The following ACSL3 variants were observed in gnomAD, a reference collection of about 807,000 sequenced individuals.
ACSL3 encodes fatty acid CoA ligase Acsl3.
Under a neutral mutation model 84.7 loss-of-function variants are expected in ACSL3, and 34 were observed. The observed-to-expected ratio is 0.40, with a 90% CI of 0.31 to 0.53. The LOEUF (loss-of-function observed/expected upper bound fraction) is 0.53. Ranked by LOEUF, ACSL3 falls within the 20% of genes least tolerant of loss-of-function variation. The probability of loss-of-function intolerance (pLI) is 0.48; values close to 1 mark genes in which losing one functional copy is unlikely to be tolerated. For missense variants in ACSL3, 680 were observed against 873.1 expected, an observed-to-expected ratio of 0.78 and a Z score of 2.79; for synonymous variants, 315 against 299.4, an observed-to-expected ratio of 1.05 and a Z score of -0.54.
At chr2:222,933,923 G>T (rs547246523) in intron 15 of ACSL3, among the ~76,000 whole-genome samples, 1 of 152,304 alleles carries the variant, frequency 6.6e-6, no homozygotes, top group African/African-American at 2.4e-5. Flanking sequence ...CTGGTCTTTA[G>T]CCATTTAGTA....
chr2:222,864,316 G>C (rs1695083295), intron 1 of ACSL3, among the ~76,000 whole-genome samples: 1 of 152,126 alleles, frequency 6.6e-6, no homozygotes, highest in East Asian at 1.9e-4. Context: ...GCCATTTACC[G>C]TTTTGAAGAC....
chr2:222,923,138 G>T lies in ACSL3; in HGVS notation c.1141G>T (p.Ala381Ser). Residue 381 changes from alanine (A) to serine (S), a missense_variant, in exon 10 of 17, where the codon GCA (alanine) becomes TCA (serine). Coordinates refer to ENST00000357430, the MANE Select transcript of ACSL3 (RefSeq NM_004457.5). The part of the protein sequence containing the change: ...DTSMLKPTLM[A>S]AVPEIMDRIY... The stretch of plus-strand genomic sequence containing the variant: ...ATCCATGTTGAAACCAACACTGATG[G>T]CAGCAGTTCCGGTAAGAAGTGACCC... 1 of 1,613,708 alleles carries T rather than the reference G, an allele frequency of 6.2e-7. No individual in the cohort carries two copies.
At chr2:222,920,607 C>G (rs1696705924) in intron 7 of ACSL3, among the ~76,000 whole-genome samples, 1 of 152,212 alleles carries the variant, frequency 6.6e-6, no homozygotes, top group South Asian at 2.1e-4. Context: ...TCTTGTCTCC[C>G]TGATACCTTT....
chr2:222,869,354 C>G (rs1695238617), intron 1 of ACSL3, among the ~76,000 whole-genome samples: 1 of 152,164 alleles, frequency 6.6e-6, no homozygotes, highest in Admixed American at 6.5e-5. Flanking sequence ...CTCTCTGGCT[C>G]CCCTGTCTTC....
intron 1 of ACSL3, among the ~76,000 whole-genome samples, chr2:222,862,691 C>T (rs1337965730): frequency 3.0e-5 from 4 of 134,832 alleles, no homozygotes; most frequent in South Asian, 4.5e-4. Flanking sequence ...CTAGACTTTT[C>T]CTGGTTTCTC....
At chr2:222,939,657 G>A (rs937073914) in intron 16 of ACSL3, among the ~76,000 whole-genome samples, 4 of 152,182 alleles carry the variant, frequency 2.6e-5, no homozygotes, top group Middle Eastern at 3.2e-3. Context: ...GTGCTGAGGG[G>A]AGGGTCTCTG....
In ACSL3 at chr2:222,908,954, A is replaced by G; in HGVS notation, c.182A>G (p.Asn61Ser). The change falls in exon 4 of 17, where the codon AAT becomes AGT. Residue 61 changes from asparagine (N) to serine (S), a missense_variant. Asn to Ser is a conservative substitution (Grantham distance 46). This residue lies in a region of ACSL3 where 333 missense variants were observed against 347.5 expected (regional missense o/e 0.96). Coordinates refer to ENST00000357430, the MANE Select transcript of ACSL3 (RefSeq NM_004457.5). ...KSNRIKAKPVNSKPDSAYRSV... is the reference protein window; with the variant it reads ...KSNRIKAKPVSSKPDSAYRSV... ...AACCGAATTAAAGCAAAGCCTGTAA[A>G]TTCAAAACCTGATTCTGCATACAGA... The G allele has an allele frequency of 1.9e-6, 3 of 1,613,598 alleles. No individual in the cohort carries two copies. Among genetic ancestry groups the G allele is most frequent in the Non-Finnish European group, 2.5e-6 (3 of 1,179,824 alleles).
At chr2:222,885,083 G>A (rs1339086592) in intron 1 of ACSL3, among the ~76,000 whole-genome samples, 1 of 152,026 alleles carries the variant, frequency 6.6e-6, no homozygotes, top group Non-Finnish European at 1.5e-5. Flanking sequence ...CAAAGTGTCG[G>A]GTCTGGAGCT....
intron 1 of ACSL3, among the ~76,000 whole-genome samples, chr2:222,870,674 G>A (rs1444048582): frequency 6.6e-6 from 1 of 152,148 alleles, no homozygotes; most frequent in African/African-American, 2.4e-5. Flanking sequence ...AGAGCTAACA[G>A]GGCAAAATGA....
Position 222,942,385 on chromosome 2 carries a change from A to C in ACSL3, c.*731A>C, listed in dbSNP as rs547368882. 24 of 192,308 alleles carry C rather than the reference A, an allele frequency of 1.2e-4. No individual in the cohort carries two copies. In the Admixed American group the frequency reaches 1.4e-3, roughly 11 times the overall value. The allele number at this position is 192,308 out of a possible 1,614,324, so 11.9% of individuals were successfully genotyped here. A position where few individuals can be genotyped will look rare whatever the true frequency, so the allele number is the denominator to read the frequency against. On this transcript the variant is annotated 3_prime_UTR_variant, in exon 17 of 17. Coordinates refer to ENST00000357430, the MANE Select transcript of ACSL3 (RefSeq NM_004457.5). ...ACAGCATGTGTAGCACCAGTTGATAATTGGTCTCTAGTAGCTTACTGTCAA... is the reference window on the plus strand; with the variant it reads ...ACAGCATGTGTAGCACCAGTTGATACTTGGTCTCTAGTAGCTTACTGTCAA...
chr2:222,901,546 C>T (rs1696150620), intron 3 of ACSL3, among the ~76,000 whole-genome samples: 1 of 152,056 alleles, frequency 6.6e-6, no homozygotes, highest in Non-Finnish European at 1.5e-5. Flanking sequence ...TTTTAATATC[C>T]ATGTGAATTT....
chr2:222,926,437 TC>T (rs1250126104), intron 11 of ACSL3, among the ~76,000 whole-genome samples: 1 of 152,164 alleles, frequency 6.6e-6, no homozygotes, highest in Non-Finnish European at 1.5e-5. Context: ...TCCTTTTTGA[TC>T]AAGGCAGTAT....
intron 11 of ACSL3, 80 bp downstream of exon 11, chr2:222,924,675 G>A: frequency 7.6e-7 from 1 of 1,318,406 alleles, no homozygotes; most frequent in Non-Finnish European, 1.0e-6. Context: ...CCAATTAATT[G>A]AGATAGTTAT....
rs764626160 is a variant in ACSL3 at position 222,921,289 on chromosome 2, C to G, written c.815C>G (p.Pro272Arg). ...LGAKASMENQ[P>R]HSKPLPSDIA... is the part of the protein sequence containing the mutation. Reference sequence around the variant, plus strand: ...TTTCTCTTCAATGCAGAAAACCAACCTCATAGCAAACCATTGCCCTCAGAT... The same window carrying G: ...TTTCTCTTCAATGCAGAAAACCAACGTCATAGCAAACCATTGCCCTCAGAT... Residue 272 changes from proline to arginine, a missense_variant, in exon 8 of 17, where the codon CCT becomes CGT. Pro to Arg is a moderately radical substitution (Grantham distance 103). Coordinates refer to ENST00000357430, the MANE Select transcript of ACSL3 (RefSeq NM_004457.5). The G allele has an allele frequency of 3.1e-6, 5 of 1,593,266 alleles. No individual in the cohort carries two copies. In the South Asian group the frequency reaches 5.5e-5, roughly 18 times the overall value.
At chr2:222,902,179 T>C (rs1363531433) in intron 3 of ACSL3, among the ~76,000 whole-genome samples, 1 of 152,184 alleles carries the variant, frequency 6.6e-6, no homozygotes, top group African/African-American at 2.4e-5. Context: ...TAATTGCAAA[T>C]TTTTATAATC....
intron 1 of ACSL3, among the ~76,000 whole-genome samples, chr2:222,865,651 A>G (rs1337600108): frequency 6.6e-6 from 1 of 152,252 alleles, no homozygotes; most frequent in African/African-American, 2.4e-5. Context: ...GAAAAAGTGC[A>G]GAGCAGGCAC....
chr2:222,886,700 C>T (rs532044815), intron 1 of ACSL3, among the ~76,000 whole-genome samples: 23 of 152,198 alleles, frequency 1.5e-4, no homozygotes, highest in African/African-American at 4.3e-4. Flanking sequence ...AGTAAATGAA[C>T]GCAGCCTTTA....
Position 222,916,403 on chromosome 2 carries a change from G to T in ACSL3, c.463G>T (p.Gly155Cys), listed in dbSNP as rs1175746280. 6.2e-7 allele frequency: 1 copy of T among 1,613,812 alleles called. No individual in the cohort carries two copies. Among genetic ancestry groups the T allele is most frequent in the African/African-American group, 1.3e-5 (1 of 74,880 alleles). The change falls in exon 5 of 17, where the codon GGT (glycine) becomes TGT (cysteine). Residue 155 changes from glycine (G) to cysteine (C), a missense_variant. By Grantham distance (159) the Gly-to-Cys change is radical (BLOSUM62 -3). This residue lies in a region of ACSL3 where 333 missense variants were observed against 347.5 expected (regional missense o/e 0.96). Coordinates refer to ENST00000357430, the MANE Select transcript of ACSL3 (RefSeq NM_004457.5). ...FNFGNGLQML[G>C]QKPKTNIAIF... ...TTTTGGAAATGGATTACAGATGTTG[G>T]GTCAGAAACCAAAGACCAACATCGC... is the stretch of plus-strand genomic sequence containing the variant.
intron 1 of ACSL3, among the ~76,000 whole-genome samples, chr2:222,875,277 A>G (rs1695416313): frequency 6.6e-6 from 1 of 151,190 alleles, no homozygotes; most frequent in Non-Finnish European, 1.5e-5. Context: ...CACTGATCTT[A>G]TCACTGATAA....
Sources: allele counts gnomAD v4.1 joint callset (sites outside exome capture counted in the v4.1 genomes callset), GRCh38; gene constraint gnomAD v4.1.1; regional missense constraint gnomAD v4.1.1; transcripts MANE v1.5; gene names NCBI Gene and HGNC (gene_info 2026-07-23, HGNC 2026-07-21).